Variants in BCAR3 observed in about 807,000 individuals in gnomAD.
BCAR3 encodes BCAR3 adaptor protein, NSP family member.
A neutral mutation model predicts 80.1 loss-of-function variants in BCAR3; 37 were observed. The observed-to-expected ratio is 0.46, with a 90% CI of 0.36 to 0.61. The LOEUF is 0.61. Ranked by LOEUF, BCAR3 falls within the 20% of genes least tolerant of loss-of-function variation. The pLI, the probability that BCAR3 is intolerant of heterozygous loss-of-function variation, is 0.00. For missense variants in BCAR3, 978 were observed against 1,068.2 expected (o/e 0.92, Z 1.18); for synonymous variants, 389 against 418.9 (o/e 0.93, Z 0.87).
At chr1:93,754,581 A>T in intron 2 of BCAR3, among the ~76,000 whole-genome samples, 1 of 152,228 alleles carries the variant, frequency 6.6e-6, no homozygotes, top group East Asian at 1.9e-4. Flanking sequence ...CACATATATG[A>T]CAGTGGTCCC....
In BCAR3 at chr1:93,789,504, G is replaced by A. The variant is rs540094118; in HGVS notation, c.-63+56063C>T. 9.8e-5 allele frequency among the ~76,000 whole-genome samples: 15 copies of A among 152,308 alleles called. 1 individual carries two copies. Among genetic ancestry groups the A allele is most frequent in the East Asian group, 5.8e-4 (3 of 5,190 alleles). On this transcript the variant is annotated intron_variant, in intron 2 of 13. Transcript: ENST00000370244. ...CCACAAAAATTGTATGCACAGATACGTATTAGTATATTTATTAGATAATCT... is the reference window on the plus strand; with the variant it reads ...CCACAAAAATTGTATGCACAGATACATATTAGTATATTTATTAGATAATCT...
At chr1:93,833,030 G>C (rs1011832141) in intron 2 of BCAR3, among the ~76,000 whole-genome samples, 3 of 152,024 alleles carry the variant, frequency 2.0e-5, no homozygotes, top group African/African-American at 7.3e-5. Flanking sequence ...ACCCTACTGG[G>C]GGAACTAGCC....
At chr1:93,689,994 TG>T (rs1231765541) in intron 3 of BCAR3, among the ~76,000 whole-genome samples, 2 of 152,234 alleles carry the variant, frequency 1.3e-5, no homozygotes, top group Admixed American at 1.3e-4. Flanking sequence ...AAAATGCTCA[TG>T]GCAGCATCAT....
At chr1:93,840,665 T>C (rs1457727878) in intron 2 of BCAR3, among the ~76,000 whole-genome samples, 1 of 152,224 alleles carries the variant, frequency 6.6e-6, no homozygotes, top group Non-Finnish European at 1.5e-5. Context: ...ATTAGGACAC[T>C]GAAGATCCAC....
chr1:93,810,687 C>T (rs1482037709), intron 2 of BCAR3, among the ~76,000 whole-genome samples: 1 of 152,210 alleles, frequency 6.6e-6, no homozygotes, highest in Non-Finnish European at 1.5e-5. Context: ...CCAGATAGTA[C>T]TGGCTAGGGA....
At chr1:93,699,881 T>C (rs1249240250) in intron 3 of BCAR3, among the ~76,000 whole-genome samples, 1 of 151,622 alleles carries the variant, frequency 6.6e-6, no homozygotes, top group East Asian at 1.9e-4. Flanking sequence ...CCCAGAGAGG[T>C]TGCCCGCCAT....
At chr1:93,809,510 G>A (rs765696568) in intron 2 of BCAR3, among the ~76,000 whole-genome samples, 1 of 152,098 alleles carries the variant, frequency 6.6e-6, no homozygotes, top group Non-Finnish European at 1.5e-5. Flanking sequence ...GCTCATGCCT[G>A]TAATCCCAGC....
chr1:93,751,864 G>A (rs571670915), intron 2 of BCAR3, among the ~76,000 whole-genome samples: 8 of 152,316 alleles, frequency 5.3e-5, no homozygotes, highest in South Asian at 2.1e-4. Flanking sequence ...CCAGCCTGGC[G>A]GGGAACAGCC....
intron 2 of BCAR3, among the ~76,000 whole-genome samples, chr1:93,727,128 T>C (rs1007860030): frequency 1.3e-5 from 2 of 152,224 alleles, no homozygotes; most frequent in Non-Finnish European, 2.9e-5. Context: ...ATTGTAAGCC[T>C]GCATTGTCAT....
At chr1:93,815,811 T>C (rs1352805305) in intron 2 of BCAR3, among the ~76,000 whole-genome samples, 2 of 152,216 alleles carry the variant, frequency 1.3e-5, no homozygotes, top group Admixed American at 1.3e-4. Flanking sequence ...AGTTCTAATG[T>C]AATTTTACAG....
At position 93,613,032 on chromosome 1, in the gene BCAR3, C is replaced by T. The variant is rs202099245; in HGVS notation, c.358-20639G>A. On this transcript the variant is annotated intron_variant, in intron 3 of 11. Coordinates refer to ENST00000260502, the MANE Select transcript of BCAR3 (RefSeq NM_003567.4). ...AGCCTTTTCAAAGGTAATGAATGAG[C>T]CAGTCCCACAGGAGAGGGAGCTCTG... is the stretch of plus-strand genomic sequence containing the variant. Among the ~76,000 whole-genome samples the T allele has an allele frequency of 7.2e-5, 11 of 152,142 alleles. No individual in the cohort carries two copies. In the East Asian group the frequency reaches 7.7e-4, roughly 11 times the overall value.
intron 7 of BCAR3, among the ~76,000 whole-genome samples, chr1:93,579,749 G>A (rs1673623636): frequency 6.6e-6 from 1 of 152,198 alleles, no homozygotes. Flanking sequence ...TGTAAACCCA[G>A]GCCTGTTTCT....
chr1:93,656,041 T>C (rs986046649), intron 2 of BCAR3, among the ~76,000 whole-genome samples: 8 of 152,248 alleles, frequency 5.3e-5, no homozygotes, highest in African/African-American at 1.2e-4. Context: ...TTGTTCTTAA[T>C]AGTTTTGATA....
chr1:93,715,747 T>C (rs1457508678), intron 2 of BCAR3, among the ~76,000 whole-genome samples: 1 of 152,224 alleles, frequency 6.6e-6, no homozygotes, highest in Non-Finnish European at 1.5e-5. Flanking sequence ...TATAGACAGA[T>C]GGTGGCTCTT....
chr1:93,713,407 C>A (rs553301728), intron 2 of BCAR3, among the ~76,000 whole-genome samples: 2 of 152,254 alleles, frequency 1.3e-5, no homozygotes, highest in South Asian at 4.2e-4. Flanking sequence ...AAGATTCTTT[C>A]CTGGACCTCT....
In BCAR3 at chr1:93,582,744, C is replaced by A. The variant is rs748029100; in HGVS notation, c.1243G>T (p.Val415Phe). 1.9e-6 allele frequency: 3 copies of A among 1,614,108 alleles called. No individual in the cohort carries two copies. Among genetic ancestry groups the A allele is most frequent in the African/African-American group, 1.3e-5 (1 of 75,022 alleles). ...PKPCKVPFLK[V>F]PSSPSAWLNS... ...AGCCAGGCAGAGGGAGACGAGGGAA[C>A]CTTGAGGAACGGCACCTTGCAGGGC... The change falls in exon 7 of 12, where the codon GTT becomes TTT. Residue 415 changes from valine to phenylalanine, a missense_variant. Transcript: ENST00000260502.
chr1:93,668,904 G>GT (rs1648061174), intron 2 of BCAR3, among the ~76,000 whole-genome samples: 1 of 151,838 alleles, frequency 6.6e-6, no homozygotes, highest in Non-Finnish European at 1.5e-5. Flanking sequence ...TAGAGACAGG[G>GT]TTTCACCATG....
chr1:93,762,800 C>T (rs953167632), intron 2 of BCAR3, among the ~76,000 whole-genome samples: 5 of 152,132 alleles, frequency 3.3e-5, no homozygotes, highest in African/African-American at 1.2e-4. Context: ...TAAGTTGCCT[C>T]ACCCACTCTC....
rs559095331 is a variant in BCAR3 at position 93,674,560 on chromosome 1, T to C, written c.317+54A>G. 1.8e-5 allele frequency: 28 copies of C among 1,582,510 alleles called. No homozygotes were observed. In the East Asian group the frequency reaches 6.3e-4, roughly 36 times the overall value. On this transcript the variant is annotated intron_variant, in intron 2 of 11. Coordinates refer to ENST00000260502, the MANE Select transcript of BCAR3 (RefSeq NM_003567.4). ...CCACCACGCCCGGCCATAAAAACCT[T>C]TTAAAAAGCTGTTTAAGACAAATCA...
Sources: allele counts gnomAD v4.1 joint callset (sites outside exome capture counted in the v4.1 genomes callset), GRCh38; gene constraint gnomAD v4.1.1; transcripts MANE v1.5; gene names NCBI Gene and HGNC (gene_info 2026-07-23, HGNC 2026-07-21).